RAP1GDS1: variants seen among roughly 807,000 people sequenced by gnomAD.
RAP1GDS1 encodes Rap1 GTPase-GDP dissociation stimulator 1.
Under a neutral mutation model 71.1 loss-of-function variants are expected in RAP1GDS1, and 35 were observed. The ratio of observed to expected loss-of-function variants is 0.49; its 90% CI spans 0.38 to 0.65. The LOEUF is 0.65. Among genes scored for constraint, RAP1GDS1 ranks in the 30% least tolerant of loss-of-function variants. The probability of loss-of-function intolerance (pLI) is 0.00; values close to 1 mark genes in which losing one functional copy is unlikely to be tolerated. For synonymous variants in RAP1GDS1, 229 were observed against 243.1 expected (o/e 0.94, Z 0.54); for missense variants, 663 against 706.1 (o/e 0.94, Z 0.69).
intron 1 of RAP1GDS1, among the ~76,000 whole-genome samples, chr4:98,268,745 G>T (rs564978603): frequency 6.6e-6 from 1 of 152,056 alleles, no homozygotes; most frequent in South Asian, 2.1e-4. Context: ...AAAATATTTA[G>T]GAATAGATTT....
At chr4:98,325,360 G>T (rs1439055249) in intron 2 of RAP1GDS1, among the ~76,000 whole-genome samples, 2 of 151,358 alleles carry the variant, frequency 1.3e-5, no homozygotes, top group Non-Finnish European at 3.0e-5. Flanking sequence ...GGAAGTCAGT[G>T]TGGCGATTCC....
intron 6 of RAP1GDS1, among the ~76,000 whole-genome samples, chr4:98,400,288 T>A (rs189052502): frequency 6.6e-6 from 1 of 152,126 alleles, no homozygotes; most frequent in African/African-American, 2.4e-5. Flanking sequence ...CTGTTCACAA[T>A]AGATATGGGA....
At chr4:98,307,935 T>G (rs1729573655) in intron 2 of RAP1GDS1, among the ~76,000 whole-genome samples, 1 of 152,136 alleles carries the variant, frequency 6.6e-6, no homozygotes, top group African/African-American at 2.4e-5. Context: ...GTATGGCCCT[T>G]CTGATGTTTC....
chr4:98,296,340 G>A (rs1727747821), intron 2 of RAP1GDS1, among the ~76,000 whole-genome samples: 1 of 152,090 alleles, frequency 6.6e-6, no homozygotes, highest in Non-Finnish European at 1.5e-5. Flanking sequence ...ACAAATGACT[G>A]TAATCTGAAA....
chr4:98,335,634 A>G (rs1734610275), intron 2 of RAP1GDS1, among the ~76,000 whole-genome samples: 1 of 152,070 alleles, frequency 6.6e-6, no homozygotes, highest in Non-Finnish European at 1.5e-5. Context: ...TGTTTATCAT[A>G]TTAAATATTC....
intron 1 of RAP1GDS1, among the ~76,000 whole-genome samples, chr4:98,286,002 C>T (rs1347642980): frequency 6.6e-6 from 1 of 150,566 alleles, no homozygotes; most frequent in Non-Finnish European, 1.5e-5. Context: ...ACGGTGGGCT[C>T]ATGCCTATAA....
intron 5 of RAP1GDS1, among the ~76,000 whole-genome samples, chr4:98,379,767 T>G (rs1741713071): frequency 6.6e-6 from 1 of 151,930 alleles, no homozygotes; most frequent in African/African-American, 2.4e-5. Flanking sequence ...ATCTGTGATA[T>G]TAAGGCTTCA....
chr4:98,387,650 G>A (rs997873642), intron 5 of RAP1GDS1: 14 of 321,912 alleles, frequency 4.3e-5, no homozygotes, highest in African/African-American at 6.4e-5. Context: ...ATGTAATTTC[G>A]TAAATCTGTA....
At position 98,443,015 on chromosome 4, in the gene RAP1GDS1, ATTTTT is replaced by A. The variant is rs397994660; in HGVS notation, c.*917_*921del. On this transcript the variant is annotated 3_prime_UTR_variant, in exon 15 of 15. Transcript: ENST00000408927. ...TGAGTATAGTTCATTGAAGAATGGA[ATTTTT>A]TTTTTTTTTTTTTTTTTTGCTGTTT... The A allele has an allele frequency of 8.7e-5, 12 of 138,292 alleles. No individual in the cohort carries two copies. Among genetic ancestry groups the A allele is most frequent in the East Asian group, 2.0e-4 (2 of 9,862 alleles). 8.6% of individuals were successfully genotyped at this position (138,292 alleles called of 1,614,324 possible).
intron 2 of RAP1GDS1, among the ~76,000 whole-genome samples, chr4:98,308,316 T>C (rs533341528): frequency 7.5e-6 from 1 of 133,014 alleles, no homozygotes; most frequent in African/African-American, 2.9e-5. Context: ...TATATATATA[T>C]ATATATATAT....
chr4:98,408,104 A>ATTTT (rs56998297), intron 7 of RAP1GDS1, among the ~76,000 whole-genome samples: 2 of 137,356 alleles, frequency 1.5e-5, no homozygotes, highest in South Asian at 2.2e-4. Context: ...ATATATATAT[A>ATTTT]TTTTTTTTTT....
intron 2 of RAP1GDS1, among the ~76,000 whole-genome samples, chr4:98,319,813 G>A (rs773978375): frequency 1.1e-4 from 16 of 149,320 alleles, no homozygotes; most frequent in Non-Finnish European, 1.3e-4. Context: ...AGAAATTGGC[G>A]TTTGAACTAC....
At chr4:98,327,560 G>A (rs1733328946) in intron 2 of RAP1GDS1, among the ~76,000 whole-genome samples, 1 of 152,164 alleles carries the variant, frequency 6.6e-6, no homozygotes, top group Non-Finnish European at 1.5e-5. Flanking sequence ...GACTCTGTTT[G>A]TTAGGATTTT....
intron 7 of RAP1GDS1, among the ~76,000 whole-genome samples, chr4:98,410,151 G>A (rs79164490): frequency 0.015 from 2,282 of 152,084 alleles, 43 homozygotes; most frequent in African/African-American, 0.052. Context: ...TAAAGACACC[G>A]TTAAGAGTGA....
intron 12 of RAP1GDS1, among the ~76,000 whole-genome samples, chr4:98,421,968 T>C (rs28413645): frequency 0.11 from 17,194 of 151,706 alleles, 1,331 homozygotes; most frequent in African/African-American, 0.21. Context: ...GAGACTGAGG[T>C]GGGCAGATCA....
chr4:98,395,386 C>T (rs1744373225), intron 6 of RAP1GDS1, among the ~76,000 whole-genome samples: 2 of 152,116 alleles, frequency 1.3e-5, no homozygotes, highest in African/African-American at 2.4e-5. Context: ...GTTTTTCTTA[C>T]ATAATAAATA....
At chr4:98,324,206 C>A (rs541195598) in intron 2 of RAP1GDS1, among the ~76,000 whole-genome samples, 2 of 143,056 alleles carry the variant, frequency 1.4e-5, no homozygotes, top group Non-Finnish European at 3.0e-5. Context: ...AGGAATCCAA[C>A]TTACAAGGGA....
intron 7 of RAP1GDS1, among the ~76,000 whole-genome samples, chr4:98,407,468 T>TACACAC (rs568505447): frequency 7.4e-5 from 11 of 148,966 alleles, no homozygotes; most frequent in African/African-American, 2.5e-4. Flanking sequence ...GGGGTGTGTA[T>TACACAC]ACACACACAC....
intron 6 of RAP1GDS1, among the ~76,000 whole-genome samples, chr4:98,395,227 C>T (rs1407087691): frequency 6.6e-6 from 1 of 151,842 alleles, no homozygotes; most frequent in African/African-American, 2.4e-5. Flanking sequence ...GTTATTTTTA[C>T]TATATATATA....
Sources: gnomAD v4.1 joint callset for allele counts (sites outside exome capture counted in the v4.1 genomes callset) on GRCh38, gnomAD v4.1.1 for gene constraint, MANE v1.5 for transcripts, NCBI Gene and HGNC (gene_info 2026-07-23, HGNC 2026-07-21) for gene names.